Variants in PCDHGA6 observed in about 807,000 individuals in gnomAD.
The protein encoded by PCDHGA6 is protocadherin gamma subfamily A, 6.
In PCDHGA6, 41 loss-of-function variants were observed where a neutral mutation model predicts 60.6. The ratio of observed to expected loss-of-function variants is 0.68; its 90% CI spans 0.53 to 0.88. The LOEUF is 0.88. Among genes scored for constraint, PCDHGA6 ranks in the 40% least tolerant of loss-of-function variants. PCDHGA6 has a pLI of 0.00. For synonymous variants in PCDHGA6, 594 were observed against 524.4 expected, an observed-to-expected ratio of 1.13 and a Z score of -1.81; for missense variants, 1,312 against 1,203.0, an observed-to-expected ratio of 1.09 and a Z score of -1.34.
chr5:141,409,338 A>C, intron 1 of PCDHGA6: 5 of 1,614,002 alleles, frequency 3.1e-6, no homozygotes, highest in Non-Finnish European at 4.2e-6. Flanking sequence ...TTCGGAGGAA[A>C]TGGAGAAGTC....
intron 1 of PCDHGA6, chr5:141,392,984 G>A: frequency 1.2e-6 from 2 of 1,613,914 alleles, no homozygotes; most frequent in Non-Finnish European, 1.7e-6. Context: ...TGGACCCCCG[G>A]AAGCTGGCGA....
rs1423149 is a variant in PCDHGA6, at chr5:141,487,780, C to G, written c.2425-7027C>G. ...TAGACGCTGTGCTTTGTAACTGTTTCGTGAATTAACCAGAGTTGTCACAGT... is the reference window on the plus strand; with the variant it reads ...TAGACGCTGTGCTTTGTAACTGTTTGGTGAATTAACCAGAGTTGTCACAGT... On this transcript the variant is annotated intron_variant, in intron 1 of 3. Transcript: ENST00000517434. This position sits in a 1 kb window ranked among gnomAD's most constrained non-coding sequence, Gnocchi z 5.0. 6.6e-7 allele frequency: 1 copy of G among 1,526,704 alleles called. No individual in the cohort carries two copies. The allele number at this position is 1,526,704 out of a possible 1,614,324, so 94.6% of individuals were successfully genotyped here. A position where few individuals can be genotyped will look rare whatever the true frequency, so the allele number is the denominator to read the frequency against.
chr5:141,395,654 A>G (rs1462491005), intron 1 of PCDHGA6: 1 of 164,436 alleles, frequency 6.1e-6, no homozygotes, highest in Admixed American at 6.1e-5. Context: ...AGCTTAGCAA[A>G]AGTAAAATAT....
chr5:141,422,910 C>T (rs756589496), intron 1 of PCDHGA6: 2 of 1,614,252 alleles, frequency 1.2e-6, no homozygotes, highest in South Asian at 1.1e-5. Context: ...ACAATGCGCC[C>T]GAGATCCTGT....
intron 1 of PCDHGA6, among the ~76,000 whole-genome samples, chr5:141,443,720 T>G (rs1349609652): frequency 2.6e-5 from 4 of 152,156 alleles, no homozygotes; most frequent in Non-Finnish European, 5.9e-5. Flanking sequence ...CATATAAAAT[T>G]CCTCATACAT....
At chr5:141,449,500 A>G (rs1034917703) in intron 1 of PCDHGA6, among the ~76,000 whole-genome samples, 6 of 151,300 alleles carry the variant, frequency 4.0e-5, no homozygotes, top group African/African-American at 1.5e-4. Flanking sequence ...GAGGCATGAG[A>G]AATGCTTGAA....
intron 1 of PCDHGA6, chr5:141,408,377 C>A: frequency 6.2e-7 from 1 of 1,614,020 alleles, no homozygotes; most frequent in Non-Finnish European, 8.5e-7. Flanking sequence ...GCTCAGTGTC[C>A]TGGATGTGTC....
intron 1 of PCDHGA6, among the ~76,000 whole-genome samples, chr5:141,480,753 G>A (rs1418880497): frequency 1.3e-5 from 2 of 152,144 alleles, no homozygotes; most frequent in Non-Finnish European, 2.9e-5. Flanking sequence ...ATCATTTTTT[G>A]AAGGTCCCCA....
Position 141,376,357 on chromosome 5 carries a change from A to C in PCDHGA6, c.2274A>C (p.Ser758=), listed in dbSNP as rs769629850. 1.5e-5 allele frequency: 24 copies of C among 1,613,894 alleles called. No individual in the cohort carries two copies. Among genetic ancestry groups the C allele is most frequent in the Admixed American group, 1.0e-4 (6 of 59,984 alleles). ...TGCAGACCTATTCCCACGAGGTCTC[A>C]CTCACTGCAGACTCGCGTAAGAGTC... ...AFLQTYSHEV[S]LTADSRKSHL... is the part of the protein sequence containing the mutation. The change falls in exon 1 of 4, where the codon TCA becomes TCC. Residue 758 remains serine (S), a synonymous_variant. Transcript: ENST00000517434.
chr5:141,507,691 A>G (rs777728143), intron 3 of PCDHGA6, among the ~76,000 whole-genome samples: 72 of 152,198 alleles, frequency 4.7e-4, no homozygotes, highest in Non-Finnish European at 6.8e-4. Context: ...CAGAAATGAA[A>G]TCAGTATTTA....
rs1438257730 is a variant in PCDHGA6, at chr5:141,477,587, C to G, written c.2425-17220C>G. 4.3e-6 allele frequency: 7 copies of G among 1,614,094 alleles called. 1 individual carries two copies. In the South Asian group the frequency reaches 7.7e-5, roughly 18 times the overall value. ...GGACCCCGACGCCCCGCAGAATGCT[C>G]GGCTTTCTTTCTTTCTCTTGGAGCA... On this transcript the variant is annotated intron_variant, in intron 1 of 3. Transcript: ENST00000517434. The surrounding 1 kb of genome is among the most constrained non-coding windows in gnomAD (Gnocchi z 4.9).
chr5:141,478,700 C>T (rs1171617240), intron 1 of PCDHGA6: 2 of 1,549,172 alleles, frequency 1.3e-6, no homozygotes, highest in South Asian at 1.2e-5. Flanking sequence ...AAAGTTAGTG[C>T]CTTTGTGAGA....
At chr5:141,403,365 T>C in intron 1 of PCDHGA6, 1 of 1,614,024 alleles carries the variant, frequency 6.2e-7, no homozygotes, top group Non-Finnish European at 8.5e-7. Flanking sequence ...GCCGAAAGTC[T>C]GGAAGTAAAA....
intron 1 of PCDHGA6, among the ~76,000 whole-genome samples, chr5:141,429,774 G>A (rs1175985162): frequency 6.6e-6 from 1 of 152,070 alleles, no homozygotes; most frequent in Non-Finnish European, 1.5e-5. Context: ...ATTTTGATGG[G>A]CTTCCAAAAG....
In PCDHGA6 at chr5:141,502,614, T is replaced by C. The variant is rs534996288; in HGVS notation, c.2484-2779T>C. Among the ~76,000 whole-genome samples the C allele has an allele frequency of 7.2e-5, 11 of 152,316 alleles. No homozygotes were observed. In the East Asian group the frequency reaches 1.7e-3, roughly 24 times the overall value. ...AGATATTTTAAAATATTTGTGAAAATATAAGTAATCTGTGGATGATACTTT... is the reference window on the plus strand; with the variant it reads ...AGATATTTTAAAATATTTGTGAAAACATAAGTAATCTGTGGATGATACTTT... On this transcript the variant is annotated intron_variant, in intron 2 of 3. Transcript: ENST00000517434.
intron 1 of PCDHGA6, chr5:141,383,896 G>A: frequency 6.2e-7 from 1 of 1,613,960 alleles, no homozygotes; most frequent in Non-Finnish European, 8.5e-7. Flanking sequence ...AAAGGCAAAA[G>A]TACTGATCAC....
rs1562187768 is a variant in PCDHGA6, at chr5:141,499,029, A to AAGG, written c.2483+4165_2483+4166insGGA. 5.0e-3 allele frequency among the ~76,000 whole-genome samples: 706 copies of AAGG among 140,066 alleles called. 6 individuals carry two copies. Among genetic ancestry groups the AAGG allele is most frequent in the African/African-American group, 0.019 (683 of 36,064 alleles). The allele number at this position is 140,066 out of a possible 152,430, so 91.9% of individuals were successfully genotyped here. A position where few individuals can be genotyped will look rare whatever the true frequency, so the allele number is the denominator to read the frequency against. ...GGAAGGAAGGAAGGAAGGAAGGAAG[A>AAGG]AAAGAAAGAAAAAGGGAGAAAAAAT... On this transcript the variant is annotated intron_variant, in intron 2 of 3. Transcript: ENST00000517434.
chr5:141,473,850 G>A (rs1490458424), intron 1 of PCDHGA6, among the ~76,000 whole-genome samples: 1 of 152,184 alleles, frequency 6.6e-6, no homozygotes, highest in African/African-American at 2.4e-5. Flanking sequence ...TTAGGAAGAT[G>A]AACCTCGCTA....
intron 1 of PCDHGA6, among the ~76,000 whole-genome samples, chr5:141,462,117 C>G (rs965365318): frequency 6.6e-6 from 1 of 152,170 alleles, no homozygotes; most frequent in African/African-American, 2.4e-5. Flanking sequence ...GCCACTGCAC[C>G]CAGTCCAATT....
Sources: allele counts gnomAD v4.1 joint callset (sites outside exome capture counted in the v4.1 genomes callset), GRCh38; gene constraint gnomAD v4.1.1; non-coding constraint Gnocchi (gnomAD v3.1); transcripts MANE v1.5; gene names NCBI Gene and HGNC (gene_info 2026-07-23, HGNC 2026-07-21).